The following METTL18 variants were observed in gnomAD, a reference collection of about 807,000 sequenced individuals.
The protein encoded by METTL18 is methyltransferase 18, RPL3 N3(tau)-histidine.
A neutral mutation model predicts 19.6 loss-of-function variants in METTL18; 15 were observed. The observed-to-expected ratio is 0.77, with a 90% confidence interval of 0.51 to 1.18. The LOEUF is 1.18. METTL18 is among the 50% of genes most tolerant of loss of function. METTL18 has a pLI of 0.00. For synonymous variants in METTL18, 131 were observed against 145.2 expected (o/e 0.90, Z 0.70); for missense variants, 392 against 418.8 (o/e 0.94, Z 0.56).
At position 169,793,295 on chromosome 1, in the gene METTL18, G is replaced by A. The variant is rs756764642; in HGVS notation, c.401C>T (p.Thr134Ile). ...FQHVKLSVVK[T>I]ILLKENFPGE... is the part of the protein sequence containing the mutation. The stretch of plus-strand genomic sequence containing the variant: ...AGGGAAGTTCTCTTTCAACAAGATG[G>A]TTTTCACTACTGATAACTTAACATG... The change falls in exon 2 of 2, where the codon ACC becomes ATC. Residue 134 changes from threonine to isoleucine, a missense_variant. By Grantham distance (89) the Thr-to-Ile change is moderately conservative. Coordinates refer to ENST00000310392, the MANE Select transcript of METTL18 (RefSeq NM_033418.4). The A allele has an allele frequency of 1.2e-6, 2 of 1,614,034 alleles. No homozygotes were observed. The highest frequency in any genetic ancestry group is 1.7e-6 in the Non-Finnish European group (2 of 1,179,980).
rs745595552 is a variant in METTL18, at chr1:169,793,187, T to G, written c.509A>C (p.Glu170Ala). The change falls in exon 2 of 2, where the codon GAA (glutamate) becomes GCA (alanine). Residue 170 changes from glutamate (E) to alanine (A), a missense_variant. Transcript: ENST00000310392. ...ATAAGCCAGGAGGTCAAAGGTACAT[T>G]CCCAGATTTTTAAGCCTCCCTCATA... ...GVYEGGLKIWECTFDLLAYFT... is the reference protein window; with the variant it reads ...GVYEGGLKIWACTFDLLAYFT... 1.5e-5 allele frequency: 25 copies of G among 1,614,052 alleles called. 1 individual carries two copies. The South Asian group carries it at 2.7e-4, about 18-fold the overall frequency.
intron 1 of METTL18, chr1:169,794,519 TAAG>T (rs1650362087): frequency 6.5e-6 from 1 of 153,898 alleles, no homozygotes; most frequent in Non-Finnish European, 1.5e-5. Flanking sequence ...CCTGTAGAAA[TAAG>T]AAGCAACTTT....
chr1:169,792,891 C>T lies in METTL18; in HGVS notation c.805G>A (p.Glu269Lys). ...ACAAGCTTACAAAACTCAGACCACT[C>T]ACCAGAAAAAAATCGGCATTTATAT... ...QLYKCRFFSG[E>K]WSEFCKLVLS... The change falls in exon 2 of 2, where the codon GAG becomes AAG. Residue 269 changes from glutamate to lysine, a missense_variant. Coordinates refer to ENST00000310392, the MANE Select transcript of METTL18 (RefSeq NM_033418.4). 6.2e-7 allele frequency: 1 copy of T among 1,614,086 alleles called. No homozygotes were observed. Among genetic ancestry groups the T allele is most frequent in the East Asian group, 2.2e-5 (1 of 44,868 alleles).
rs1650178702 is a variant in METTL18, at chr1:169,792,922, T to C, written c.774A>G (p.Thr258=). 1 of 1,614,044 alleles carries C rather than the reference T, an allele frequency of 6.2e-7. No individual in the cohort carries two copies. The highest frequency in any genetic ancestry group is 1.3e-5 in the African/African-American group (1 of 74,946). Residue 258 remains threonine, a synonymous_variant, in exon 2 of 2, where the codon ACA becomes ACG. Transcript: ENST00000310392. ...DVKRCRKPKV[T]QLYKCRFFSG... The stretch of plus-strand genomic sequence containing the variant: ...AAAAAAATCGGCATTTATATAGTTG[T>C]GTTACTTTTGGTTTCCTGCATCTTT...
intron 1 of METTL18, 166 bp downstream of exon 1, chr1:169,794,649 G>A (rs1650375808): frequency 6.2e-6 from 1 of 161,488 alleles, no homozygotes; most frequent in Non-Finnish European, 1.4e-5. Context: ...GGGGAGAGGC[G>A]GGTCACCCAG....
chr1:169,793,100 C>T lies in METTL18; in HGVS notation c.596G>A (p.Gly199Asp), dbSNP rs1650193887. 1.2e-6 allele frequency: 2 copies of T among 1,614,106 alleles called. No individual in the cohort carries two copies. Among genetic ancestry groups the T allele is most frequent in the African/African-American group, 1.3e-5 (1 of 75,036 alleles). ...CTTGAATGCAGTTATACCTAGTAAA[C>T]CTGATCCACAACCAAGATCCAAGAC... is the stretch of plus-strand genomic sequence containing the variant. The part of the protein sequence containing the change: ...KKVLDLGCGS[G>D]LLGITAFKGG... Residue 199 changes from glycine (G) to aspartate (D), a missense_variant, in exon 2 of 2, where the codon GGT (glycine) becomes GAT (aspartate). Transcript: ENST00000310392.
intron 1 of METTL18, among the ~76,000 whole-genome samples, 173 bp from the exon 2 acceptor site, chr1:169,794,070 T>C (rs1650298278): frequency 6.7e-6 from 1 of 149,240 alleles, no homozygotes; most frequent in Non-Finnish European, 1.5e-5. Flanking sequence ...TGGACACTCA[T>C]ACACACCTTA....
In METTL18 at chr1:169,793,227, G is replaced by C. The variant is rs745612448; in HGVS notation, c.469C>G (p.Leu157Val). 79 of 1,614,052 alleles carry C rather than the reference G, an allele frequency of 4.9e-5. No homozygotes were observed. The highest frequency in any genetic ancestry group is 6.3e-5 in the Non-Finnish European group (74 of 1,180,040). The part of the protein sequence containing the change: ...VSKSFSSHSD[L>V]ITGVYEGGLK... ...CCTCCCTCATAAACACCTGTAATCA[G>C]ATCAGAGTGAGAAGAAAAGCTTTTT... The change falls in exon 2 of 2, where the codon CTG (leucine) becomes GTG (valine). Residue 157 changes from leucine (L) to valine (V), a missense_variant. Physicochemically the swap from Leu to Val is conservative, Grantham distance 32. Transcript: ENST00000310392.
In METTL18 at chr1:169,792,744, G is replaced by A. The variant is rs145089880; in HGVS notation, c.952C>T (p.Arg318Cys). The change falls in exon 2 of 2, where the codon CGT becomes TGT. Residue 318 changes from arginine (R) to cysteine (C), a missense_variant. Transcript: ENST00000310392. ...TFLRLLSKNG[R>C]VLLASKAHYF... is the part of the protein sequence containing the mutation. The stretch of plus-strand genomic sequence containing the variant: ...TGTGCTTTGCTGGCCAAAAGTACAC[G>A]TCCATTTTTACTTAACAGTCTAAGG... The A allele has an allele frequency of 7.2e-5, 116 of 1,613,720 alleles. No individual in the cohort carries two copies. Among genetic ancestry groups the A allele is most frequent in the African/African-American group, 3.3e-4 (25 of 75,002 alleles).
chr1:169,792,940 G>C lies in METTL18; in HGVS notation c.756C>G (p.Cys252Trp), dbSNP rs764309819. The C allele has an allele frequency of 1.2e-5, 20 of 1,614,004 alleles. No individual in the cohort carries two copies. Among genetic ancestry groups the C allele is most frequent in the Middle Eastern group, 1.6e-4 (1 of 6,062 alleles). Residue 252 changes from cysteine to tryptophan, a missense_variant, in exon 2 of 2, where the codon TGC (cysteine) becomes TGG (tryptophan). Coordinates refer to ENST00000310392, the MANE Select transcript of METTL18 (RefSeq NM_033418.4). ...NDVNEPDVKRCRKPKVTQLYK... is the reference protein window; with the variant it reads ...NDVNEPDVKRWRKPKVTQLYK... ...ATAGTTGTGTTACTTTTGGTTTCCT[G>C]CATCTTTTCACATCTGGCTCATTTA...
At position 169,792,850 on chromosome 1, in the gene METTL18, T is replaced by C; in HGVS notation, c.846A>G (p.Lys282=). The part of the protein sequence containing the change: ...EFCKLVLSSE[K]LFVKYDLILT... ...GAATGAGATCATATTTTACAAAAAG[T>C]TTTTCACTACTTAGTACAAGCTTAC... Residue 282 remains lysine, a synonymous_variant, in exon 2 of 2, where the codon AAA becomes AAG. Transcript: ENST00000310392. 6.2e-7 allele frequency: 1 copy of C among 1,613,882 alleles called. No homozygotes were observed.
chr1:169,792,773 G>A lies in METTL18; in HGVS notation c.923C>T (p.Thr308Ile). The change falls in exon 2 of 2, where the codon ACT (threonine) becomes ATT (isoleucine). Residue 308 changes from threonine (T) to isoleucine (I), a missense_variant. Thr to Ile is a moderately conservative substitution (Grantham distance 89). Coordinates refer to ENST00000310392, the MANE Select transcript of METTL18 (RefSeq NM_033418.4). ...NPDYYSNLHQ[T>I]FLRLLSKNGR... is the part of the protein sequence containing the mutation. ...ATTTTTACTTAACAGTCTAAGGAAA[G>A]TCTGGTGCAAATTACTATAATAATC... 1 of 1,613,188 alleles carries A rather than the reference G, an allele frequency of 6.2e-7. No homozygotes were observed. The highest frequency in any genetic ancestry group is 1.1e-5 in the South Asian group (1 of 90,672).
rs767888848 is a variant in METTL18, at chr1:169,792,795, A to C, written c.901T>G (p.Tyr301Asp). The change falls in exon 2 of 2, where the codon TAT (tyrosine) becomes GAT (aspartate). Residue 301 changes from tyrosine (Y) to aspartate (D), a missense_variant. By Grantham distance (160) the Tyr-to-Asp change is radical. Transcript: ENST00000310392. ...LTSETIYNPDYYSNLHQTFLR... is the reference protein window; with the variant it reads ...LTSETIYNPDDYSNLHQTFLR... ...AAAGTCTGGTGCAAATTACTATAATAATCTGGGTTGTAAATGGTTTCTGAG... is the reference window on the plus strand; with the variant it reads ...AAAGTCTGGTGCAAATTACTATAATCATCTGGGTTGTAAATGGTTTCTGAG... 2 of 1,613,288 alleles carry C rather than the reference A, an allele frequency of 1.2e-6. No homozygotes were observed. Among genetic ancestry groups the C allele is most frequent in the Non-Finnish European group, 1.7e-6 (2 of 1,179,784 alleles).
In METTL18 at chr1:169,792,854, T is replaced by C; in HGVS notation, c.842A>G (p.Glu281Gly). Residue 281 changes from glutamate (E) to glycine (G), a missense_variant, in exon 2 of 2, where the codon GAA (glutamate) becomes GGA (glycine). Transcript: ENST00000310392. The stretch of plus-strand genomic sequence containing the variant: ...GAGATCATATTTTACAAAAAGTTTT[T>C]CACTACTTAGTACAAGCTTACAAAA... ...SEFCKLVLSS[E>G]KLFVKYDLIL... 6.2e-7 allele frequency: 1 copy of C among 1,614,002 alleles called. No individual in the cohort carries two copies. The highest frequency in any genetic ancestry group is 8.5e-7 in the Non-Finnish European group (1 of 1,179,976).
Position 169,793,321 on chromosome 1 carries a change from C to T in METTL18, c.375G>A (p.Gln125=). The change falls in exon 2 of 2, where the codon CAG becomes CAA. Residue 125 remains glutamine, a synonymous_variant. Coordinates refer to ENST00000310392, the MANE Select transcript of METTL18 (RefSeq NM_033418.4). ...TTTTCACTACTGATAACTTAACATG[C>T]TGGAAACCTGGTAATGTTTCTATGA... is the stretch of plus-strand genomic sequence containing the variant. ...NKVIETLPGF[Q]HVKLSVVKTI... 1 of 1,614,138 alleles carries T rather than the reference C, an allele frequency of 6.2e-7. No individual in the cohort carries two copies. Among genetic ancestry groups the T allele is most frequent in the Non-Finnish European group, 8.5e-7 (1 of 1,179,998 alleles).
intron 1 of METTL18, chr1:169,794,513 T>G (rs895555582): frequency 6.5e-6 from 1 of 153,956 alleles, no homozygotes; most frequent in Admixed American, 6.5e-5. Context: ...GAGAGACCTG[T>G]AGAAATAAGA....
chr1:169,792,617 T>A lies in METTL18; in HGVS notation c.1079A>T (p.Lys360Met), dbSNP rs13375701. The stretch of plus-strand genomic sequence containing the variant: ...AAAAGTTATTTCAATTATGAACCTC[T>A]TCAATCCTTCATCAATTATTTTGAG... The part of the protein sequence containing the change: ...RILKIIDEGL[K>M]RFIIEITFKF... Residue 360 changes from lysine to methionine, a missense_variant, in exon 2 of 2, where the codon AAG becomes ATG. Physicochemically the swap from Lys to Met is moderately conservative, Grantham distance 95. Coordinates refer to ENST00000310392, the MANE Select transcript of METTL18 (RefSeq NM_033418.4). 2.9e-3 allele frequency: 4,602 copies of A among 1,594,980 alleles called. 110 individuals are homozygous for A. The African/African-American group carries it at 0.052, about 18-fold the overall frequency.
In METTL18 at chr1:169,792,605, A is replaced by G. The variant is rs747536304; in HGVS notation, c.1091T>C (p.Ile364Thr). The change falls in exon 2 of 2, where the codon ATT becomes ACT. Residue 364 changes from isoleucine to threonine, a missense_variant. By Grantham distance (89) the Ile-to-Thr change is moderately conservative (BLOSUM62 -1). Transcript: ENST00000310392. ...ACCAGGAAACTTAAAAGTTATTTCA[A>G]TTATGAACCTCTTCAATCCTTCATC... ...IIDEGLKRFIIEITFKFPG is the reference protein window; with the variant it reads ...IIDEGLKRFITEITFKFPG The G allele has an allele frequency of 1.5e-5, 23 of 1,568,188 alleles. No homozygotes were observed. In the South Asian group the frequency reaches 1.6e-4, roughly 11 times the overall value.
chr1:169,793,663 G>A lies in METTL18; in HGVS notation c.33C>T (p.Asp11=). 1.9e-6 allele frequency: 3 copies of A among 1,604,310 alleles called. No homozygotes were observed. The highest frequency in any genetic ancestry group is 1.7e-4 in the Middle Eastern group (1 of 6,026). Residue 11 remains aspartate, a synonymous_variant, in exon 2 of 2, where the codon GAC becomes GAT. Coordinates refer to ENST00000310392, the MANE Select transcript of METTL18 (RefSeq NM_033418.4). MTFQFNFTIE[D]HLENELTPIR... is the part of the protein sequence containing the mutation. ...TGGGTGTTAATTCATTTTCCAGATG[G>A]TCTTCTATAGTGAAATTAAACTGAA...
Sources: allele counts gnomAD v4.1 joint callset (sites outside exome capture counted in the v4.1 genomes callset), GRCh38; gene constraint gnomAD v4.1.1; transcripts MANE v1.5; gene names NCBI Gene and HGNC (gene_info 2026-07-23, HGNC 2026-07-21).